Variants in NLGN4X observed in about 807,000 individuals in gnomAD.
NLGN4X encodes neuroligin-4, X-linked.
A neutral mutation model predicts 40.3 loss-of-function variants in NLGN4X; 3 were observed. The ratio of observed to expected loss-of-function variants is 0.07; its 90% CI spans 0.03 to 0.19. NLGN4X has a LOEUF of 0.19. Among genes scored for constraint, NLGN4X ranks in the 10% least tolerant of loss-of-function variants. The pLI is 1.00. For missense variants in NLGN4X, 382 were observed against 708.3 expected (o/e 0.54, Z 5.23); for synonymous variants, 270 against 306.8 (o/e 0.88, Z 1.25).
intron 1 of NLGN4X, among the ~76,000 whole-genome samples, chrX:6,157,615 G>A (rs766688006): frequency 2.8e-4 from 31 of 111,794 alleles, no homozygotes; most frequent in African/African-American, 8.8e-4. Context: ...TCAAGGCATG[G>A]TAGATTCAGT....
At chrX:6,122,582 C>T (rs2039449178) in intron 2 of NLGN4X, among the ~76,000 whole-genome samples, 1 of 109,815 alleles carries the variant, frequency 9.1e-6, no homozygotes, top group East Asian at 2.8e-4. Context: ...CCTTCCAAGA[C>T]CTCTACCGGC....
chrX:5,942,993 T>C (rs1241301820), intron 3 of NLGN4X, among the ~76,000 whole-genome samples: 1 of 111,785 alleles, frequency 8.9e-6, no homozygotes, highest in African/African-American at 3.3e-5. Flanking sequence ...TTAAGGTTAC[T>C]AGGCAGCTGA....
At chrX:6,166,131 T>C (rs931832230) in intron 1 of NLGN4X, among the ~76,000 whole-genome samples, 1 of 112,782 alleles carries the variant, frequency 8.9e-6, no homozygotes, top group African/African-American at 3.2e-5. Flanking sequence ...CCCAAAATAC[T>C]GTTTACGCTT....
At chrX:5,972,743 G>A (rs1427419188) in intron 3 of NLGN4X, among the ~76,000 whole-genome samples, 1 of 81,996 alleles carries the variant, frequency 1.2e-5, no homozygotes, top group African/African-American at 4.3e-5. Flanking sequence ...CAACACTTTG[G>A]GAAGACAAGG....
At position 5,939,654 on chromosome X, in the gene NLGN4X, C is replaced by T. The variant is rs187789817; in HGVS notation, c.626-30415G>A. Among the ~76,000 whole-genome samples the T allele has an allele frequency of 3.6e-5, 4 of 111,405 alleles. No individual in the cohort carries two copies. In the East Asian group the frequency reaches 1.1e-3, roughly 32 times the overall value. On this transcript the variant is annotated intron_variant, in intron 3 of 5. Transcript: ENST00000381095. ...ATATGTGTAAGATATTAAGCTTTCC[C>T]TTTTCCAAGCATCTTTCAAATTATG...
intron 2 of NLGN4X, among the ~76,000 whole-genome samples, chrX:6,116,790 A>G (rs978852384): frequency 9.0e-6 from 1 of 110,757 alleles, no homozygotes; most frequent in African/African-American, 3.3e-5. Context: ...TCAGCCTCCC[A>G]AAGTGCTGGG....
chrX:5,922,318 T>C (rs1164676180), intron 3 of NLGN4X, among the ~76,000 whole-genome samples: 2 of 110,876 alleles, frequency 1.8e-5, no homozygotes, highest in Admixed American at 9.6e-5. Context: ...TAATATAATA[T>C]GTAGTTTCAA....
chrX:6,089,330 C>G (rs1052690271), intron 2 of NLGN4X, among the ~76,000 whole-genome samples: 3 of 111,454 alleles, frequency 2.7e-5, no homozygotes, highest in Non-Finnish European at 3.8e-5. Context: ...TTGATATCGC[C>G]CTTTAGTAGT....
Position 6,009,596 on chromosome X carries a change from T to C in NLGN4X, c.625+19684A>G, listed in dbSNP as rs779850307. 2.7e-5 allele frequency among the ~76,000 whole-genome samples: 3 copies of C among 112,454 alleles called. No homozygotes were observed. The East Asian group carries it at 8.4e-4, about 32-fold the overall frequency. On this transcript the variant is annotated intron_variant, in intron 3 of 5. Transcript: ENST00000381095. ...ATGAAACAAACAACAATTAATGCCC[T>C]TGAAGAGCTGACATTTCGGTGGGTG...
intron 2 of NLGN4X, among the ~76,000 whole-genome samples, chrX:6,048,840 G>A (rs370929429): frequency 1.4e-4 from 14 of 102,740 alleles, no homozygotes; most frequent in African/African-American, 5.0e-4. Context: ...ACTAGGGTCT[G>A]TCAGGGAGGG....
chrX:6,063,315 A>G (rs912509541), intron 2 of NLGN4X, among the ~76,000 whole-genome samples: 6 of 111,799 alleles, frequency 5.4e-5, no homozygotes, highest in African/African-American at 2.0e-4. Context: ...TCTCTACAAA[A>G]AGAAAAACAT....
intron 1 of NLGN4X, among the ~76,000 whole-genome samples, chrX:6,162,664 A>G (rs1008375756): frequency 9.0e-6 from 1 of 110,984 alleles, no homozygotes; most frequent in Non-Finnish European, 1.9e-5. Context: ...ACTCCCCTTT[A>G]TATATCTATC....
At chrX:6,072,647 C>CA (rs1480569910) in intron 2 of NLGN4X, among the ~76,000 whole-genome samples, 10 of 111,684 alleles carry the variant, frequency 9.0e-5, no homozygotes, top group Non-Finnish European at 1.9e-4. Flanking sequence ...TAACCCTTCA[C>CA]ACTCCCTTGC....
intron 2 of NLGN4X, among the ~76,000 whole-genome samples, chrX:6,150,588 T>C (rs1293038398): frequency 8.9e-6 from 1 of 111,994 alleles, no homozygotes; most frequent in Admixed American, 9.5e-5. Context: ...GAAAGAACCA[T>C]TTTCTCTATC....
At chrX:5,992,716 T>C (rs1602022130) in intron 3 of NLGN4X, among the ~76,000 whole-genome samples, 1 of 111,550 alleles carries the variant, frequency 9.0e-6, no homozygotes, top group Non-Finnish European at 1.9e-5. Flanking sequence ...CTTCCACTTA[T>C]GGTGGAAGAG....
intron 3 of NLGN4X, among the ~76,000 whole-genome samples, chrX:5,927,718 A>G (rs1439895074): frequency 1.8e-5 from 2 of 112,343 alleles, no homozygotes; most frequent in African/African-American, 6.5e-5. Context: ...TGTAACTTGA[A>G]GGATTTTACC....
intron 4 of NLGN4X, among the ~76,000 whole-genome samples, chrX:5,905,477 T>A: frequency 8.9e-6 from 1 of 112,167 alleles, no homozygotes; most frequent in Non-Finnish European, 1.9e-5. Context: ...ATATCTTAGG[T>A]AAATTCTTAA....
At chrX:5,978,278 TTCTTTCTTTCTTTCTTTCTTTC>T (rs2035249585) in intron 3 of NLGN4X, among the ~76,000 whole-genome samples, 5 of 2,980 alleles carry the variant, frequency 1.7e-3, no homozygotes, top group African/African-American at 0.01. Context: ...CTTTTTTTCT[TTCTTTCTTTCTTTCTTTCTTTC>T]TTTCTTTCTT....
intron 4 of NLGN4X, among the ~76,000 whole-genome samples, chrX:5,905,919 A>G (rs2032147896): frequency 8.9e-6 from 1 of 111,946 alleles, no homozygotes; most frequent in African/African-American, 3.3e-5. Context: ...GGCCTCCCAA[A>G]TTGCTGGGAT....
Sources: gnomAD v4.1 joint callset for allele counts (sites outside exome capture counted in the v4.1 genomes callset) on GRCh38, gnomAD v4.1.1 for gene constraint, MANE v1.5 for transcripts, NCBI Gene and HGNC (gene_info 2026-07-23, HGNC 2026-07-21) for gene names.